The following LDLRAP1 variants were observed in gnomAD, a reference collection of about 807,000 sequenced individuals.
LDLRAP1 encodes low density lipoprotein receptor adapter protein 1.
LDLRAP1 carries 30 observed loss-of-function variants against 37.8 expected under a neutral mutation model. The observed-to-expected ratio is 0.79, with a 90% CI of 0.59 to 1.08. LDLRAP1 has a LOEUF of 1.08. Ranked by LOEUF, LDLRAP1 falls within the 50% of genes least tolerant of loss-of-function variation. The probability of loss-of-function intolerance (pLI) is 0.00; values close to 1 mark genes in which losing one functional copy is unlikely to be tolerated. For missense variants in LDLRAP1, 375 were observed against 401.6 expected, an observed-to-expected ratio of 0.93 and a Z score of 0.57; for synonymous variants, 156 against 169.8, an observed-to-expected ratio of 0.92 and a Z score of 0.63.
chr1:25,551,058 A>G (rs2044060576), intron 1 of LDLRAP1, among the ~76,000 whole-genome samples: 3 of 152,168 alleles, frequency 2.0e-5, no homozygotes, highest in African/African-American at 7.2e-5. Context: ...GTAGGGATGG[A>G]TAATGAGATG....
chr1:25,548,673 GTTAT>G (rs760772351), intron 1 of LDLRAP1, among the ~76,000 whole-genome samples: 22 of 151,244 alleles, frequency 1.5e-4, no homozygotes, highest in African/African-American at 5.1e-4. Context: ...TATTGTCCCT[GTTAT>G]TTATTTATTT....
the LDLRAP1 span, among the ~76,000 whole-genome samples, chr1:25,577,622 G>A: frequency 1.3e-5 from 2 of 152,214 alleles, no homozygotes; most frequent in Admixed American, 6.5e-5. Context: ...GAAGTTAGAC[G>A]AGGAGGGGAA....
At chr1:25,577,377 G>A in the LDLRAP1 span, among the ~76,000 whole-genome samples, 14 of 152,078 alleles carry the variant, frequency 9.2e-5, no homozygotes, top group Non-Finnish European at 1.9e-4. Flanking sequence ...CAGGACCTGG[G>A]CTGGGCTTTC....
chr1:25,564,498 G>A (rs989636885), intron 7 of LDLRAP1: 7 of 155,724 alleles, frequency 4.5e-5, no homozygotes, highest in Admixed American at 2.5e-4. Flanking sequence ...TCAGTGTCCT[G>A]TTTCTGGCCC....
downstream of LDLRAP1, among the ~76,000 whole-genome samples, chr1:25,569,762 C>CGCAGATG (rs1458646466): frequency 6.6e-6 from 1 of 152,186 alleles, no homozygotes; most frequent in African/African-American, 2.4e-5. Flanking sequence ...TTGTGCTGAG[C>CGCAGATG]GCAGATGGCA....
At chr1:25,548,261 T>C (rs2043985092) in intron 1 of LDLRAP1, among the ~76,000 whole-genome samples, 1 of 151,848 alleles carries the variant, frequency 6.6e-6, no homozygotes, top group Non-Finnish European at 1.5e-5. Context: ...ACTTGGTATG[T>C]ACCAGACAAG....
At position 25,567,253 on chromosome 1, in the gene LDLRAP1, C is replaced by A; in HGVS notation, c.*261C>A. On this transcript the variant is annotated 3_prime_UTR_variant, in exon 9 of 9. Transcript: ENST00000374338. Reference sequence around the variant, plus strand: ...CTCAGAAGCCAGTCTGCGTCAGGCACGTCTCCTGCTGCGTGACATGTGCAG... The same window carrying A: ...CTCAGAAGCCAGTCTGCGTCAGGCAAGTCTCCTGCTGCGTGACATGTGCAG... 1.9e-6 allele frequency: 1 copy of A among 538,838 alleles called. No individual in the cohort carries two copies. The highest frequency in any genetic ancestry group is 3.4e-6 in the Non-Finnish European group (1 of 296,196). 33.4% of individuals were successfully genotyped at this position (538,838 alleles called of 1,614,324 possible). A position where few individuals can be genotyped will look rare whatever the true frequency, so the allele number is the denominator to read the frequency against.
rs2044374789 is a variant in LDLRAP1 at position 25,562,802 on chromosome 1, G to C, written c.532+86G>C. The C allele has an allele frequency of 5.1e-6, 6 of 1,183,136 alleles. No individual in the cohort carries two copies. The Admixed American group carries it at 1.1e-4, about 21-fold the overall frequency. The allele number at this position is 1,183,136 out of a possible 1,614,324, so 73.3% of individuals were successfully genotyped here. ...GGGGTCAGACCTGGACCGACTTCCT[G>C]CCTCATCACCCACCTGGCTTGTGAC... On this transcript the variant is annotated intron_variant, in intron 5 of 8. Transcript: ENST00000374338.
the LDLRAP1 span, among the ~76,000 whole-genome samples, chr1:25,583,297 C>G: frequency 6.8e-6 from 1 of 148,132 alleles, no homozygotes. Flanking sequence ...TCAAGTGATT[C>G]TCGTGCCTCA....
At chr1:25,556,382 C>T (rs567333484) in intron 3 of LDLRAP1, among the ~76,000 whole-genome samples, 2 of 152,304 alleles carry the variant, frequency 1.3e-5, no homozygotes, top group East Asian at 3.9e-4. Flanking sequence ...GTGCTCCATG[C>T]AGAGGGAGTT....
chr1:25,587,918 C>T, the LDLRAP1 span, among the ~76,000 whole-genome samples: 1 of 152,088 alleles, frequency 6.6e-6, no homozygotes, highest in Non-Finnish European at 1.5e-5. Flanking sequence ...ATAAGAGACT[C>T]CATTTTGTTC....
At chr1:25,564,028 C>G (rs1278332176) in intron 7 of LDLRAP1, 2 of 584,264 alleles carry the variant, frequency 3.4e-6, no homozygotes, top group Non-Finnish European at 3.1e-6. Context: ...AATGCTTGGC[C>G]TCTTGGCCTG....
chr1:25,583,587 G>C, the LDLRAP1 span, among the ~76,000 whole-genome samples: 2 of 152,024 alleles, frequency 1.3e-5, no homozygotes, highest in African/African-American at 4.8e-5. Context: ...ATCCTGCTTG[G>C]TATTCTCTGA....
downstream of LDLRAP1, among the ~76,000 whole-genome samples, chr1:25,569,740 A>C (rs1376565616): frequency 2.0e-5 from 3 of 152,242 alleles, no homozygotes; most frequent in Non-Finnish European, 4.4e-5. Context: ...GCTCTGCACC[A>C]TATTGCAACG....
At position 25,557,035 on chromosome 1, in the gene LDLRAP1, C is replaced by T. The variant is rs188635306; in HGVS notation, c.345-118C>T. The T allele has an allele frequency of 4.2e-5, 33 of 783,922 alleles. No individual in the cohort carries two copies. The East Asian group carries it at 8.0e-4, about 19-fold the overall frequency. 48.6% of individuals were successfully genotyped at this position (783,922 alleles called of 1,614,324 possible). A position where few individuals can be genotyped will look rare whatever the true frequency, so the allele number is the denominator to read the frequency against. ...GCCAAGGCTGGATTCCCAGAGTCTG[C>T]CCTGGTGGAGTGGGAATAGCAGGTT... On this transcript the variant is annotated intron_variant, in intron 3 of 8. Coordinates refer to ENST00000374338, the MANE Select transcript of LDLRAP1 (RefSeq NM_015627.3).
In LDLRAP1 at chr1:25,543,681, C is replaced by T. The variant is rs946894500; in HGVS notation, c.-18C>T. 4.9e-6 allele frequency: 6 copies of T among 1,212,444 alleles called. No homozygotes were observed. The highest frequency in any genetic ancestry group is 6.2e-6 in the Non-Finnish European group (6 of 975,476). The allele number at this position is 1,212,444 out of a possible 1,614,324, so 75.1% of individuals were successfully genotyped here. A position where few individuals can be genotyped will look rare whatever the true frequency, so the allele number is the denominator to read the frequency against. On this transcript the variant is annotated 5_prime_UTR_variant, in exon 1 of 9. Coordinates refer to ENST00000374338, the MANE Select transcript of LDLRAP1 (RefSeq NM_015627.3). ...GGAGTTTTGGCTGCGGCAGCGGCGG[C>T]GGCGGCCGGAGCGGGCCATGGACGC...
intron 1 of LDLRAP1, among the ~76,000 whole-genome samples, chr1:25,552,121 T>C (rs1424938422): frequency 6.6e-6 from 1 of 152,130 alleles, no homozygotes; most frequent in African/African-American, 2.4e-5. Flanking sequence ...CCAGAGCCCC[T>C]GGAGGCCCAG....
chr1:25,565,390 C>T (rs1160005870), intron 8 of LDLRAP1, among the ~76,000 whole-genome samples, 183 bp downstream of exon 8: 1 of 152,150 alleles, frequency 6.6e-6, no homozygotes, highest in Admixed American at 6.5e-5. Context: ...GGAGGAAACC[C>T]CTTCCAGCGT....
intron 1 of LDLRAP1, among the ~76,000 whole-genome samples, chr1:25,547,485 A>ATAAT (rs1328386678): frequency 3.0e-5 from 4 of 131,442 alleles, no homozygotes; most frequent in African/African-American, 1.3e-4. Flanking sequence ...TTTGTCTCAA[A>ATAAT]TAATAAATAA....
Sources: allele counts gnomAD v4.1 joint callset (sites outside exome capture counted in the v4.1 genomes callset), GRCh38; gene constraint gnomAD v4.1.1; transcripts MANE v1.5; gene names NCBI Gene and HGNC (gene_info 2026-07-23, HGNC 2026-07-21).